NGF: variants seen among roughly 807,000 people sequenced by gnomAD.
NGF encodes the protein beta-nerve growth factor.
Under a neutral mutation model 12.8 loss-of-function variants are expected in NGF, and 4 were observed. The ratio of observed to expected loss-of-function variants is 0.31; its 90% confidence interval spans 0.15 to 0.72. The LOEUF is 0.72. NGF is among the 30% of genes least tolerant of loss of function. The pLI, the probability that NGF is intolerant of heterozygous loss-of-function variation, is 0.69. For synonymous variants in NGF, 140 were observed against 130.0 expected (o/e 1.08, Z -0.52); for missense variants, 283 against 330.8 (o/e 0.86, Z 1.12).
chr1:115,337,804 C>G (rs1276754424), intron 1 of NGF, among the ~76,000 whole-genome samples: 1 of 152,108 alleles, frequency 6.6e-6, no homozygotes, highest in East Asian at 2.0e-4. Flanking sequence ...TCCTCCCGCC[C>G]TGGCGCGCCA....
intron 1 of NGF, among the ~76,000 whole-genome samples, chr1:115,333,492 G>GTAC (rs1334893102): frequency 1.9e-5 from 2 of 102,814 alleles, no homozygotes; most frequent in African/African-American, 8.9e-5. Flanking sequence ...CTGACTAATA[G>GTAC]TACTACTAAA....
chr1:115,307,744 A>G (rs1210605748), intron 1 of NGF, among the ~76,000 whole-genome samples: 2 of 152,260 alleles, frequency 1.3e-5, no homozygotes, highest in Admixed American at 6.5e-5. Context: ...ATATAAGCTC[A>G]AACCCAGTGA....
rs749107814 is a variant in NGF, at chr1:115,286,061, G to A, written c.*9C>T. On this transcript the variant is annotated 3_prime_UTR_variant, in exon 3 of 3. Transcript: ENST00000369512. The stretch of plus-strand genomic sequence containing the variant: ...TAGAAGGGGCAGGGGGAGGGAGCGT[G>A]TCGGCAGGTCAGGCTCTTCTCACAG... The A allele has an allele frequency of 6.2e-7, 1 of 1,612,594 alleles. No homozygotes were observed. The highest frequency in any genetic ancestry group is 8.5e-7 in the Non-Finnish European group (1 of 1,179,450).
intron 1 of NGF, among the ~76,000 whole-genome samples, chr1:115,335,193 A>G (rs1010818633): frequency 6.6e-6 from 1 of 152,206 alleles, no homozygotes; most frequent in Admixed American, 6.5e-5. Context: ...CGGCTCAAAT[A>G]GTGACGTTTC....
intron 1 of NGF, among the ~76,000 whole-genome samples, chr1:115,327,155 G>A (rs578066116): frequency 3.9e-5 from 6 of 152,014 alleles, no homozygotes; most frequent in African/African-American, 1.2e-4. Context: ...CAGTATTGCC[G>A]GTCAGAATTC....
intron 1 of NGF, among the ~76,000 whole-genome samples, chr1:115,317,181 T>C (rs529254199): frequency 8.5e-5 from 13 of 152,174 alleles, no homozygotes; most frequent in Non-Finnish European, 1.5e-4. Context: ...TTTTCCAATG[T>C]GATGGCGCTT....
At chr1:115,312,122 T>C (rs1654348878) in intron 1 of NGF, among the ~76,000 whole-genome samples, 1 of 152,242 alleles carries the variant, frequency 6.6e-6, no homozygotes, top group Admixed American at 6.5e-5. Context: ...GTTGCTTGTC[T>C]ATTTGGTGGG....
intron 2 of NGF, among the ~76,000 whole-genome samples, chr1:115,291,063 AC>A (rs1653680877): frequency 6.6e-6 from 1 of 152,254 alleles, no homozygotes; most frequent in African/African-American, 2.4e-5. Context: ...CAGTCAAGAT[AC>A]CAAATGGTAT....
intron 1 of NGF, among the ~76,000 whole-genome samples, chr1:115,321,764 G>C (rs1295587662): frequency 6.6e-6 from 1 of 152,158 alleles, no homozygotes; most frequent in African/African-American, 2.4e-5. Context: ...TGTAGTATTA[G>C]ATTCATCCTA....
chr1:115,313,221 G>A (rs1481922477), intron 1 of NGF, among the ~76,000 whole-genome samples: 1 of 152,216 alleles, frequency 6.6e-6, no homozygotes, highest in African/African-American at 2.4e-5. Flanking sequence ...TTGCACCTCT[G>A]GTTTAGAGAG....
chr1:115,312,487 C>T (rs35337130), intron 1 of NGF, among the ~76,000 whole-genome samples: 4,257 of 152,220 alleles, frequency 0.028, 82 homozygotes, highest in Non-Finnish European at 0.041. Flanking sequence ...TAGTGAACAA[C>T]TTGGGATATA....
rs67307707 is a variant in NGF, at chr1:115,337,267, G to GTTTTTTTTTTTTTTTTTTTTTTTTT, written c.-137+912_-137+936dup. On this transcript the variant is annotated intron_variant, in intron 1 of 2. Transcript: ENST00000369512. ...TCGAAATTTTTTTTGTTTTGTTTTTGTTTTTTTTTTTTTTTTTTTTTTTTT... is the reference window on the plus strand; with the variant it reads ...TCGAAATTTTTTTTGTTTTGTTTTTGTTTTTTTTTTTTTTTTTTTTTTTTTTTTTTTTTTTTTTTTTTTTTTTTTT... Among the ~76,000 whole-genome samples, 5 of 81,028 alleles carry GTTTTTTTTTTTTTTTTTTTTTTTTT rather than the reference G, an allele frequency of 6.2e-5. 1 individual carries two copies. The highest frequency in any genetic ancestry group is 3.7e-4 in the East Asian group (1 of 2,734). The allele number at this position is 81,028 out of a possible 152,430, so 53.2% of individuals were successfully genotyped here.
chr1:115,333,676 T>C (rs1298908992), intron 1 of NGF, among the ~76,000 whole-genome samples: 3 of 64,368 alleles, frequency 4.7e-5, no homozygotes, highest in African/African-American at 1.9e-4. Context: ...TTTCTTTCTT[T>C]CTTTCTTTCT....
At chr1:115,305,954 C>T (rs1001666595) in intron 1 of NGF, among the ~76,000 whole-genome samples, 4 of 152,098 alleles carry the variant, frequency 2.6e-5, no homozygotes, top group East Asian at 1.9e-4. Context: ...AGCCAGAGGC[C>T]GATGGAGCCA....
At chr1:115,310,382 T>G (rs1313066866) in intron 1 of NGF, among the ~76,000 whole-genome samples, 1 of 152,208 alleles carries the variant, frequency 6.6e-6, no homozygotes, top group East Asian at 1.9e-4. Flanking sequence ...CTGTAAATCC[T>G]TCAGGTTTAG....
At chr1:115,333,846 C>A (rs1271371705) in intron 1 of NGF, among the ~76,000 whole-genome samples, 2 of 128,460 alleles carry the variant, frequency 1.6e-5, no homozygotes, top group South Asian at 2.5e-4. Flanking sequence ...TCTTTCTTTT[C>A]TTTTCTTTCT....
At chr1:115,317,687 C>G (rs1420452086) in intron 1 of NGF, among the ~76,000 whole-genome samples, 1 of 152,112 alleles carries the variant, frequency 6.6e-6, no homozygotes, top group Non-Finnish European at 1.5e-5. Context: ...AAGTTGCGGC[C>G]AAGCTACAGT....
intron 1 of NGF, among the ~76,000 whole-genome samples, chr1:115,326,388 G>A (rs1357713287): frequency 1.3e-5 from 2 of 152,122 alleles, no homozygotes; most frequent in Non-Finnish European, 2.9e-5. Context: ...ACAACCAAAC[G>A]ATTGAGCAAA....
chr1:115,318,924 G>A (rs1360588956), intron 1 of NGF, among the ~76,000 whole-genome samples: 2 of 152,182 alleles, frequency 1.3e-5, no homozygotes, highest in Non-Finnish European at 2.9e-5. Context: ...GAGACACACT[G>A]TTGGCCCAAG....
Sources: gnomAD v4.1 joint callset for allele counts (sites outside exome capture counted in the v4.1 genomes callset) on GRCh38, gnomAD v4.1.1 for gene constraint, MANE v1.5 for transcripts, NCBI Gene and HGNC (gene_info 2026-07-23, HGNC 2026-07-21) for gene names.